Variants in CMSS1 observed in about 807,000 individuals in gnomAD.
CMSS1 encodes protein CMSS1.
CMSS1 carries 33 observed loss-of-function variants against 43.5 expected under a neutral mutation model. The ratio of observed to expected loss-of-function variants is 0.76; its 90% confidence interval spans 0.57 to 1.01. The LOEUF is 1.01. Among genes scored for constraint, CMSS1 ranks in the 50% least tolerant of loss-of-function variants. The pLI is 0.00. For missense variants in CMSS1, 313 were observed against 326.4 expected (o/e 0.96, Z 0.32); for synonymous variants, 115 against 117.2 (o/e 0.98, Z 0.12).
rs1706931491 is a variant in CMSS1, at chr3:99,915,761, T to G, written c.64+97718T>G. ...CAACCATGCCTTGAGTATAAGCCCT[T>G]ATTTTGCCTCCTCTGTATCCTTTGT... On this transcript the variant is annotated intron_variant, in intron 1 of 9. Coordinates refer to ENST00000421999, the MANE Select transcript of CMSS1 (RefSeq NM_032359.4). Among the ~76,000 whole-genome samples the G allele has an allele frequency of 1.3e-5, 2 of 152,166 alleles. 1 individual carries two copies. The highest frequency in any genetic ancestry group is 4.1e-4 in the South Asian group (2 of 4,822).
chr3:100,056,411 A>C (rs975882948), intron 1 of CMSS1, among the ~76,000 whole-genome samples: 1 of 152,224 alleles, frequency 6.6e-6, no homozygotes. Context: ...ATTTTAAACA[A>C]AAGTGATTTC....
At chr3:99,963,337 T>C (rs1182344108) in intron 1 of CMSS1, among the ~76,000 whole-genome samples, 2 of 152,100 alleles carry the variant, frequency 1.3e-5, no homozygotes, top group Non-Finnish European at 2.9e-5. Context: ...GGGATGAAGA[T>C]AAATAAGAGA....
chr3:99,851,459 G>A (rs1265132129), intron 1 of CMSS1, among the ~76,000 whole-genome samples: 2 of 152,208 alleles, frequency 1.3e-5, no homozygotes, highest in African/African-American at 4.8e-5. Context: ...CCAACTAATT[G>A]ATCTGGGCAG....
intron 2 of CMSS1, among the ~76,000 whole-genome samples, chr3:100,149,188 A>G (rs2066881094): frequency 6.6e-6 from 1 of 152,070 alleles, no homozygotes; most frequent in African/African-American, 2.4e-5. Flanking sequence ...CCTTTTATTG[A>G]GCAGTTAATA....
chr3:99,981,641 C>G (rs985861569), intron 1 of CMSS1, among the ~76,000 whole-genome samples: 1 of 152,102 alleles, frequency 6.6e-6, no homozygotes, highest in Non-Finnish European at 1.5e-5. Context: ...GGAAAATTGA[C>G]AGTTTCAATA....
chr3:99,822,029 G>A (rs1238218900), intron 1 of CMSS1, among the ~76,000 whole-genome samples: 1 of 152,024 alleles, frequency 6.6e-6, no homozygotes, highest in Non-Finnish European at 1.5e-5. Context: ...CTGTGCTACA[G>A]ACTGAGACTC....
chr3:100,029,293 A>G (rs931247026), intron 1 of CMSS1, among the ~76,000 whole-genome samples: 7 of 152,046 alleles, frequency 4.6e-5, no homozygotes, highest in African/African-American at 1.4e-4. Flanking sequence ...AAATTTACTT[A>G]TTTGTACAGA....
chr3:100,055,917 C>G (rs909928013), intron 1 of CMSS1, among the ~76,000 whole-genome samples: 67 of 152,226 alleles, frequency 4.4e-4, no homozygotes, highest in African/African-American at 1.5e-3. Context: ...GTATAGTACC[C>G]TCATTTTTCT....
intron 1 of CMSS1, among the ~76,000 whole-genome samples, chr3:100,130,370 C>T (rs2066696308): frequency 6.6e-6 from 1 of 152,200 alleles, no homozygotes; most frequent in African/African-American, 2.4e-5. Flanking sequence ...TTGGTAGCTA[C>T]TGAAGGGCTC....
chr3:99,928,227 C>T (rs1183850374), intron 1 of CMSS1, among the ~76,000 whole-genome samples: 1 of 152,200 alleles, frequency 6.6e-6, no homozygotes, highest in East Asian at 1.9e-4. Flanking sequence ...TTCCCCTTCA[C>T]TGTTTATTTT....
intron 1 of CMSS1, among the ~76,000 whole-genome samples, chr3:100,082,975 T>C (rs2065954798): frequency 6.6e-6 from 1 of 152,224 alleles, no homozygotes; most frequent in African/African-American, 2.4e-5. Context: ...CCTTGTGGTT[T>C]TATTTAATGT....
rs1202530098 is a variant in CMSS1, at chr3:100,180,646, A to T, written c.*2258A>T. On this transcript the variant is annotated 3_prime_UTR_variant, in exon 10 of 10. Coordinates refer to ENST00000421999, the MANE Select transcript of CMSS1 (RefSeq NM_032359.4). ...CCTGGACTTCATTGTCCATATCACT[A>T]TCAGCATTTTGGTCAAAACTGTTCA... 6.6e-6 allele frequency: 1 copy of T among 152,440 alleles called. No individual in the cohort carries two copies. Among genetic ancestry groups the T allele is most frequent in the Non-Finnish European group, 1.5e-5 (1 of 68,220 alleles). 9.4% of individuals were successfully genotyped at this position (152,440 alleles called of 1,614,324 possible).
intron 1 of CMSS1, among the ~76,000 whole-genome samples, chr3:100,134,188 AT>A (rs113154926): frequency 1.6e-4 from 24 of 150,634 alleles, no homozygotes; most frequent in African/African-American, 5.1e-4. Context: ...ACATTAACCT[AT>A]TTTTTTTTAA....
chr3:100,059,403 G>T (rs773563240), intron 1 of CMSS1, among the ~76,000 whole-genome samples: 1 of 152,134 alleles, frequency 6.6e-6, no homozygotes, highest in Non-Finnish European at 1.5e-5. Flanking sequence ...CCTCATCTCC[G>T]TGATCATCAC....
At chr3:100,047,902 T>C (rs1406763252) in intron 1 of CMSS1, among the ~76,000 whole-genome samples, 1 of 152,124 alleles carries the variant, frequency 6.6e-6, no homozygotes. Flanking sequence ...TGGAGGTAGC[T>C]TCTGGCACTT....
rs1363193170 is a variant in CMSS1, at chr3:99,888,405, C to T, written c.64+70362C>T. Among the ~76,000 whole-genome samples the T allele has an allele frequency of 3.3e-5, 5 of 152,088 alleles. No individual in the cohort carries two copies. The East Asian group carries it at 9.7e-4, about 29-fold the overall frequency. ...TGACTGCTAGAGAATGGTTTTTGAG[C>T]CATTTACTTGATAAGTAATTATGAT... On this transcript the variant is annotated intron_variant, in intron 1 of 9. Coordinates refer to ENST00000421999, the MANE Select transcript of CMSS1 (RefSeq NM_032359.4).
intron 1 of CMSS1, among the ~76,000 whole-genome samples, chr3:99,843,522 A>T (rs1291035695): frequency 6.6e-6 from 1 of 152,220 alleles, no homozygotes; most frequent in Non-Finnish European, 1.5e-5. Flanking sequence ...GCTTGTCAAT[A>T]CAGATGCTTT....
chr3:100,023,039 G>A lies in CMSS1; in HGVS notation c.65-123934G>A, dbSNP rs1313703772. Among the ~76,000 whole-genome samples, 4 of 152,120 alleles carry A rather than the reference G, an allele frequency of 2.6e-5. No homozygotes were observed. In the South Asian group the frequency reaches 6.2e-4, roughly 24 times the overall value. ...AGCCACACCTCTCCATGAGTTTCAG[G>A]TGTTTTAACCATTTAGGAAAAAGAG... On this transcript the variant is annotated intron_variant, in intron 1 of 9. Transcript: ENST00000421999.
chr3:99,824,470 CTTGTT>C, intron 1 of CMSS1, among the ~76,000 whole-genome samples: 2 of 152,160 alleles, frequency 1.3e-5, no homozygotes, highest in Non-Finnish European at 2.9e-5. Flanking sequence ...TTTTGTTTGT[CTTGTT>C]TGCTTTAGTT....
Sources: allele counts gnomAD v4.1 joint callset (sites outside exome capture counted in the v4.1 genomes callset), GRCh38; gene constraint gnomAD v4.1.1; transcripts MANE v1.5; gene names NCBI Gene and HGNC (gene_info 2026-07-23, HGNC 2026-07-21).